The following ZYG11A variants were observed in gnomAD, a reference collection of about 807,000 sequenced individuals.
The protein encoded by ZYG11A is protein zyg-11 homolog A.
Under a neutral mutation model 77.2 loss-of-function variants are expected in ZYG11A, and 62 were observed. The observed-to-expected ratio is 0.80, with a 90% confidence interval of 0.65 to 0.99. The LOEUF (loss-of-function observed/expected upper bound fraction) is 0.99. Ranked by LOEUF, ZYG11A falls within the 50% of genes least tolerant of loss-of-function variation. The pLI is 0.00. For synonymous variants in ZYG11A, 315 were observed against 324.6 expected, an observed-to-expected ratio of 0.97 and a Z score of 0.32; for missense variants, 828 against 896.8, an observed-to-expected ratio of 0.92 and a Z score of 0.98.
At chr1:52,892,670 G>C (rs1235368410) in intron 13 of ZYG11A, 112 bp from the exon 14 acceptor site, 3 of 934,382 alleles carry the variant, frequency 3.2e-6, no homozygotes, top group Non-Finnish European at 4.8e-6. Context: ...TTAATTCCTA[G>C]GCCAAAGAGC....
intron 8 of ZYG11A, among the ~76,000 whole-genome samples, chr1:52,869,304 C>T (rs1205894576): frequency 2.2e-5 from 3 of 138,034 alleles, no homozygotes; most frequent in Non-Finnish European, 3.0e-5. Flanking sequence ...GGGGATTTGG[C>T]AGGGTCATAG....
At chr1:52,882,130 C>T (rs1646374635) in intron 11 of ZYG11A, among the ~76,000 whole-genome samples, 1 of 152,134 alleles carries the variant, frequency 6.6e-6, no homozygotes, top group South Asian at 2.1e-4. Flanking sequence ...TGAGCTTAAG[C>T]GATCTGCCTA....
At chr1:52,845,415 C>G (rs1346871331) in intron 1 of ZYG11A, among the ~76,000 whole-genome samples, 1 of 150,908 alleles carries the variant, frequency 6.6e-6, no homozygotes, top group Admixed American at 6.6e-5. Context: ...AAGCGATTCT[C>G]TCGCCTCAGC....
chr1:52,875,758 T>C lies in ZYG11A; in HGVS notation c.1543-1924T>C, dbSNP rs113462147. 5.0e-3 allele frequency among the ~76,000 whole-genome samples: 756 copies of C among 151,082 alleles called. 3 individuals are homozygous for C. Among genetic ancestry groups the C allele is most frequent in the Non-Finnish European group, 8.6e-3 (583 of 67,896 alleles). ...GAGTTTAGAGTAGAATAAAGATGTT[T>C]GCTTTAGTTTGGAGCAGAAGGGAAG... On this transcript the variant is annotated intron_variant, in intron 8 of 13. Coordinates refer to ENST00000371528, the MANE Select transcript of ZYG11A (RefSeq NM_001004339.3).
Position 52,842,828 on chromosome 1 carries a change from TC to T in ZYG11A, c.-54del, listed in dbSNP as rs890847720. 6.7e-7 allele frequency: 1 copy of T among 1,494,564 alleles called. No individual in the cohort carries two copies. Among genetic ancestry groups the T allele is most frequent in the Non-Finnish European group, 9.0e-7 (1 of 1,111,336 alleles). 92.6% of individuals were successfully genotyped at this position (1,494,564 alleles called of 1,614,324 possible). A position where few individuals can be genotyped will look rare whatever the true frequency, so the allele number is the denominator to read the frequency against. On this transcript the variant is annotated 5_prime_UTR_variant, in exon 1 of 14. Transcript: ENST00000371528. ...AGCCGCCCGCTTGGTTCTCGCGGGA[TC>T]CGGGCTCCGGCTCGACGCCGGCTCT...
chr1:52,889,992 C>T (rs1198848354), intron 13 of ZYG11A, among the ~76,000 whole-genome samples: 2 of 150,996 alleles, frequency 1.3e-5, no homozygotes, highest in South Asian at 4.2e-4. Flanking sequence ...GGATTACAGG[C>T]GTGAGCCACG....
chr1:52,876,910 A>G (rs1646271377), intron 8 of ZYG11A, among the ~76,000 whole-genome samples: 1 of 152,334 alleles, frequency 6.6e-6, no homozygotes, highest in Non-Finnish European at 1.5e-5. Context: ...TGATATTGAA[A>G]GAGACCATAA....
intron 5 of ZYG11A, 88 bp from the exon 6 acceptor site, chr1:52,866,415 C>A: frequency 1.5e-6 from 1 of 687,846 alleles, no homozygotes; most frequent in South Asian, 2.1e-5. Context: ...AAGAAAAGCT[C>A]ACTAGTAATA....
intron 5 of ZYG11A, among the ~76,000 whole-genome samples, chr1:52,866,095 G>C (rs1222493950): frequency 6.6e-6 from 1 of 151,686 alleles, no homozygotes; most frequent in Non-Finnish European, 1.5e-5. Context: ...CCACCACCAC[G>C]CCCGGCTAAT....
chr1:52,869,798 T>A lies in ZYG11A; in HGVS notation c.1542+2021T>A, dbSNP rs976238926. On this transcript the variant is annotated intron_variant, in intron 8 of 13. Transcript: ENST00000371528. The stretch of plus-strand genomic sequence containing the variant: ...CGGGGTGGTGGCTGGGCAGAGGGGC[T>A]CCTCACTTCCCAGTAGGGGCGGCCG... 5.9e-5 allele frequency among the ~76,000 whole-genome samples: 9 copies of A among 151,676 alleles called. 1 individual carries two copies. The highest frequency in any genetic ancestry group is 5.2e-4 in the Admixed American group (8 of 15,284).
chr1:52,879,892 A>G (rs1646334206), intron 10 of ZYG11A, among the ~76,000 whole-genome samples: 1 of 151,656 alleles, frequency 6.6e-6, no homozygotes, highest in Admixed American at 6.6e-5. Context: ...TCTCCCGAGT[A>G]GCTGGGATTG....
chr1:52,844,657 C>G (rs1166479321), intron 1 of ZYG11A, among the ~76,000 whole-genome samples: 2 of 151,824 alleles, frequency 1.3e-5, no homozygotes. Flanking sequence ...AGTCTTTTCA[C>G]ATTTTGTTAA....
At chr1:52,866,368 TGAAA>T in intron 5 of ZYG11A, 131 bp from the exon 6 acceptor site, 2 of 490,306 alleles carry the variant, frequency 4.1e-6, no homozygotes, top group African/African-American at 2.0e-5. Flanking sequence ...CAGCATTAAA[TGAAA>T]ATTTAATGCT....
At chr1:52,877,507 A>C (rs1472476085) in intron 8 of ZYG11A, among the ~76,000 whole-genome samples, 175 bp from the exon 9 acceptor site, 1 of 152,160 alleles carries the variant, frequency 6.6e-6, no homozygotes, top group Non-Finnish European at 1.5e-5. Context: ...CCTCACAAAA[A>C]CTGTAAGAAG....
At chr1:52,854,869 C>CT (rs1221714640) in intron 2 of ZYG11A, among the ~76,000 whole-genome samples, 1 of 122,880 alleles carries the variant, frequency 8.1e-6, no homozygotes, top group Non-Finnish European at 1.9e-5. Context: ...TGCTCTCTAG[C>CT]TTTGTTTTTT....
chr1:52,866,362 A>G, intron 5 of ZYG11A, 141 bp from the exon 6 acceptor site: 1 of 486,026 alleles, frequency 2.1e-6, no homozygotes, highest in Non-Finnish European at 3.7e-6. Flanking sequence ...CAGTTACAGC[A>G]TTAAATGAAA....
At chr1:52,853,356 A>G (rs1023120125) in intron 1 of ZYG11A, among the ~76,000 whole-genome samples, 5 of 152,182 alleles carry the variant, frequency 3.3e-5, no homozygotes, top group Admixed American at 3.3e-4. Flanking sequence ...TTACACTTTC[A>G]TAGGACCTTG....
At chr1:52,861,946 CGCCT>C (rs1645935358) in intron 4 of ZYG11A, among the ~76,000 whole-genome samples, 1 of 151,950 alleles carries the variant, frequency 6.6e-6, no homozygotes, top group South Asian at 2.1e-4. Flanking sequence ...CCATGGCTCA[CGCCT>C]GTAATCCCAG....
chr1:52,883,747 T>C (rs1646400169), intron 11 of ZYG11A, among the ~76,000 whole-genome samples: 1 of 152,064 alleles, frequency 6.6e-6, no homozygotes, highest in African/African-American at 2.4e-5. Flanking sequence ...GTTTTCCTGT[T>C]CGTCCAAGGC....
Sources: allele counts gnomAD v4.1 joint callset (sites outside exome capture counted in the v4.1 genomes callset), GRCh38; gene constraint gnomAD v4.1.1; transcripts MANE v1.5; gene names NCBI Gene and HGNC (gene_info 2026-07-23, HGNC 2026-07-21).